The following SORCS2 variants were observed in gnomAD, a reference collection of about 807,000 sequenced individuals.
SORCS2 encodes the protein VPS10 domain-containing receptor SorCS2.
A neutral mutation model predicts 141.6 loss-of-function variants in SORCS2; 100 were observed. The observed-to-expected ratio is 0.71, with a 90% confidence interval of 0.60 to 0.83. The LOEUF (loss-of-function observed/expected upper bound fraction) is 0.83, where lower values mean the gene tolerates loss of function less well. Ranked by LOEUF, SORCS2 falls within the 40% of genes least tolerant of loss-of-function variation. The pLI, the probability that SORCS2 is intolerant of heterozygous loss-of-function variation, is 0.00. For missense variants in SORCS2, 1,646 were observed against 1,560.2 expected (o/e 1.05, Z -0.93); for synonymous variants, 789 against 676.9 (o/e 1.17, Z -2.57).
intron 3 of SORCS2, among the ~76,000 whole-genome samples, chr4:7,604,170 G>A (rs1717912125): frequency 1.3e-5 from 2 of 152,118 alleles, no homozygotes; most frequent in Admixed American, 1.3e-4. Flanking sequence ...GACTGATATG[G>A]TTTGGCTCTG....
chr4:7,310,700 CAG>C (rs1395416187), intron 1 of SORCS2, among the ~76,000 whole-genome samples: 1 of 152,222 alleles, frequency 6.6e-6, no homozygotes, highest in African/African-American at 2.4e-5. Flanking sequence ...GCTGAGTCTG[CAG>C]AGTCTTCCAC....
intron 1 of SORCS2, among the ~76,000 whole-genome samples, chr4:7,293,836 C>T (rs1435338383): frequency 6.6e-6 from 1 of 152,146 alleles, no homozygotes; most frequent in African/African-American, 2.4e-5. Flanking sequence ...AAATTAGCGT[C>T]TCTCTTTCAT....
In SORCS2 at chr4:7,663,976, G is replaced by C; in HGVS notation, c.953-377G>C. Among the ~76,000 whole-genome samples, 1 of 152,190 alleles carries C rather than the reference G, an allele frequency of 6.6e-6. No individual in the cohort carries two copies. Among genetic ancestry groups the C allele is most frequent in the East Asian group, 1.9e-4 (1 of 5,190 alleles). On this transcript the variant is annotated intron_variant, in intron 6 of 26. Transcript: ENST00000507866. The surrounding 1 kb of genome is among the most constrained non-coding windows in gnomAD (Gnocchi z 4.8). ...CAGTTGCTTAAAATTTGGGGGAAAA[G>C]AACCCTTGAGCCCCACCCGCCCCCA... is the stretch of plus-strand genomic sequence containing the variant.
chr4:7,650,729 A>AGCCCC (rs1491309498), intron 4 of SORCS2, among the ~76,000 whole-genome samples: 26 of 31,078 alleles, frequency 8.4e-4, no homozygotes, highest in East Asian at 1.9e-3. Context: ...CGCCCCGCCC[A>AGCCCC]GCCCAGCCCA....
intron 2 of SORCS2, among the ~76,000 whole-genome samples, chr4:7,397,589 G>A (rs186573597): frequency 1.3e-5 from 2 of 152,262 alleles, no homozygotes; most frequent in Non-Finnish European, 2.9e-5. Context: ...ACGGCCCCCC[G>A]TTGCTTTGTG....
intron 1 of SORCS2, among the ~76,000 whole-genome samples, chr4:7,282,337 C>T (rs1040909338): frequency 2.0e-5 from 3 of 152,226 alleles, no homozygotes; most frequent in African/African-American, 4.8e-5. Context: ...TCTTTTCCTC[C>T]ACCCCTTTAA....
chr4:7,729,471 G>A (rs939990231), intron 22 of SORCS2, 116 bp from the exon 23 acceptor site: 88 of 1,361,178 alleles, frequency 6.5e-5, no homozygotes, highest in South Asian at 7.2e-5. Context: ...GGTCAGGAAC[G>A]GCCTGTGAGA....
intron 2 of SORCS2, among the ~76,000 whole-genome samples, chr4:7,410,696 G>C (rs1360502099): frequency 6.6e-6 from 1 of 152,176 alleles, no homozygotes; most frequent in Admixed American, 6.5e-5. Context: ...ATGGAGATCT[G>C]AGTTTGATTT....
chr4:7,684,027 G>C (rs1456944609), intron 10 of SORCS2, among the ~76,000 whole-genome samples: 1 of 152,136 alleles, frequency 6.6e-6, no homozygotes, highest in Non-Finnish European at 1.5e-5. Context: ...TGGGCCAAGA[G>C]AATCTGACCA....
intron 3 of SORCS2, among the ~76,000 whole-genome samples, chr4:7,618,483 T>G (rs1293293962): frequency 6.6e-6 from 1 of 152,074 alleles, no homozygotes; most frequent in Non-Finnish European, 1.5e-5. Flanking sequence ...CACATTGCAA[T>G]CAGACTCCTC....
chr4:7,703,345 C>T lies in SORCS2; in HGVS notation c.1734C>T (p.Asp578=), dbSNP rs368269653. 71 of 1,613,332 alleles carry T rather than the reference C, an allele frequency of 4.4e-5. No individual in the cohort carries two copies. In the East Asian group the frequency reaches 5.6e-4, roughly 13 times the overall value. The change falls in exon 13 of 27, where the codon GAC becomes GAT. Residue 578 remains aspartate, a synonymous_variant. Coordinates refer to ENST00000507866, the MANE Select transcript of SORCS2 (RefSeq NM_020777.3). ...DHGGVIVAIK[D]TSIPLKILKF... The stretch of plus-strand genomic sequence containing the variant: ...GCGGCGTGATCGTGGCCATCAAAGA[C>T]ACCTCCATCCCTTTGAAGATCCTCA...
intron 3 of SORCS2, among the ~76,000 whole-genome samples, chr4:7,557,078 C>G (rs186178147): frequency 3.3e-5 from 5 of 152,328 alleles, no homozygotes; most frequent in South Asian, 2.1e-4. Flanking sequence ...ATGATATGCT[C>G]TCCTCTCAGT....
intron 1 of SORCS2, among the ~76,000 whole-genome samples, chr4:7,395,900 C>T (rs149541026): frequency 1.3e-5 from 2 of 152,316 alleles, no homozygotes; most frequent in African/African-American, 4.8e-5. Flanking sequence ...AGACAGAGCC[C>T]TGTCTCCAGA....
At chr4:7,523,587 G>A (rs1369566838) in intron 2 of SORCS2, among the ~76,000 whole-genome samples, 1 of 151,928 alleles carries the variant, frequency 6.6e-6, no homozygotes, top group African/African-American at 2.4e-5. Context: ...ATGGGGTGGT[G>A]GCAGCACCCC....
chr4:7,507,257 C>T (rs57016099), intron 2 of SORCS2, among the ~76,000 whole-genome samples: 1,998 of 152,196 alleles, frequency 0.013, 13 homozygotes, highest in Non-Finnish European at 0.017. Flanking sequence ...TCACTGCAAC[C>T]TCTGCCTCCT....
chr4:7,242,704 T>C (rs1712785988), intron 1 of SORCS2, among the ~76,000 whole-genome samples: 1 of 152,226 alleles, frequency 6.6e-6, no homozygotes, highest in African/African-American at 2.4e-5. Context: ...TGGGTGAAGC[T>C]TTCCCAGCCC....
chr4:7,556,989 G>A (rs539296044), intron 3 of SORCS2, among the ~76,000 whole-genome samples: 50 of 131,252 alleles, frequency 3.8e-4, no homozygotes, highest in Middle Eastern at 6.3e-3. Flanking sequence ...CTGTCCATCC[G>A]TCCATCTATC....
chr4:7,386,220 CAT>C (rs1308986252), intron 1 of SORCS2, among the ~76,000 whole-genome samples: 8 of 83,618 alleles, frequency 9.6e-5, no homozygotes, highest in African/African-American at 3.8e-4. Context: ...CACGCACACA[CAT>C]GCCCACCATA....
At chr4:7,598,380 G>T (rs868257775) in intron 3 of SORCS2, among the ~76,000 whole-genome samples, 51 of 152,176 alleles carry the variant, frequency 3.4e-4, no homozygotes, top group African/African-American at 1.2e-3. Context: ...AGGGGCTTCT[G>T]AGGGGCTCAC....
Sources: allele counts gnomAD v4.1 joint callset (sites outside exome capture counted in the v4.1 genomes callset), GRCh38; gene constraint gnomAD v4.1.1; non-coding constraint Gnocchi (gnomAD v3.1); transcripts MANE v1.5; gene names NCBI Gene and HGNC (gene_info 2026-07-23, HGNC 2026-07-21).